RYR3: variants seen among roughly 807,000 people sequenced by gnomAD.
RYR3 encodes ryanodine receptor 3.
Under a neutral mutation model 584.3 loss-of-function variants are expected in RYR3, and 207 were observed. The observed-to-expected ratio is 0.35, with a 90% confidence interval of 0.32 to 0.40. The LOEUF (loss-of-function observed/expected upper bound fraction) is 0.40. RYR3 is among the 10% of genes least tolerant of loss of function. The pLI, the probability that RYR3 is intolerant of heterozygous loss-of-function variation, is 1.00. For missense variants in RYR3, 5,616 were observed against 6,089.2 expected (o/e 0.92, Z 2.59); for synonymous variants, 2,416 against 2,248.5 (o/e 1.07, Z -2.11).
intron 3 of RYR3, 103 bp from the exon 4 acceptor site, chr15:33,530,489 G>A: frequency 1.3e-6 from 1 of 779,088 alleles, no homozygotes; most frequent in South Asian, 1.5e-5. Context: ...GCTTTGCAAT[G>A]GGTCTTTTCC....
intron 74 of RYR3, among the ~76,000 whole-genome samples, chr15:33,814,688 C>T (rs2076715097): frequency 1.3e-5 from 2 of 152,022 alleles, no homozygotes; most frequent in African/African-American, 2.4e-5. Context: ...CACTTAAGGT[C>T]AGGAGATTGA....
At chr15:33,609,523 G>A (rs755630211) in intron 18 of RYR3, among the ~76,000 whole-genome samples, 5 of 152,204 alleles carry the variant, frequency 3.3e-5, no homozygotes, top group Admixed American at 6.5e-5. Flanking sequence ...GGGCAGTGGC[G>A]TGCGCCTGTA....
chr15:33,698,015 C>G lies in RYR3; in HGVS notation c.6249+19C>G. 1.3e-6 allele frequency: 2 copies of G among 1,548,708 alleles called. No homozygotes were observed. Among genetic ancestry groups the G allele is most frequent in the Non-Finnish European group, 1.8e-6 (2 of 1,120,506 alleles). On this transcript the variant is annotated intron_variant, in intron 40 of 103. Transcript: ENST00000634891. ...ATCTCAGGTAATGCTAAAAGGAGAACCTAGCCAGAACTTGTCCCTTGAGGC... is the reference window on the plus strand; with the variant it reads ...ATCTCAGGTAATGCTAAAAGGAGAAGCTAGCCAGAACTTGTCCCTTGAGGC...
chr15:33,445,664 A>AAC (rs61585713), intron 1 of RYR3, among the ~76,000 whole-genome samples: 12,831 of 105,874 alleles, frequency 0.12, 1,025 homozygotes, highest in Middle Eastern at 0.15. Flanking sequence ...TTCCCCCACC[A>AAC]ACACACACAC....
intron 17 of RYR3, among the ~76,000 whole-genome samples, chr15:33,602,813 A>G (rs2059736526): frequency 7.7e-6 from 1 of 130,040 alleles, no homozygotes; most frequent in Non-Finnish European, 1.5e-5. Context: ...TGGCATAATC[A>G]TGGCTCACTG....
At chr15:33,628,902 A>G (rs1169127281) in intron 21 of RYR3, among the ~76,000 whole-genome samples, 2 of 152,344 alleles carry the variant, frequency 1.3e-5, no homozygotes, top group Non-Finnish European at 1.5e-5. Context: ...TGGTTTTCAG[A>G]TGTGTCACTA....
chr15:33,738,334 C>T (rs556485638), intron 49 of RYR3, 116 bp from the exon 50 acceptor site: 47 of 1,045,768 alleles, frequency 4.5e-5, no homozygotes, highest in South Asian at 6.6e-5. Flanking sequence ...CCAGCTGTTT[C>T]GCATGTTTCA....
At chr15:33,815,762 G>A (rs562938414) in intron 74 of RYR3, 1 of 397,388 alleles carries the variant, frequency 2.5e-6, no homozygotes, top group South Asian at 1.3e-4. Context: ...AAGGGCTAAA[G>A]GGATTTGTTT....
At chr15:33,741,334 C>T (rs1050123313) in intron 51 of RYR3, among the ~76,000 whole-genome samples, 4 of 152,206 alleles carry the variant, frequency 2.6e-5, no homozygotes, top group Non-Finnish European at 5.9e-5. Context: ...AGGAAATCGA[C>T]AATCTTCAGG....
At chr15:33,834,829 G>T in intron 86 of RYR3, 139 bp from the exon 87 acceptor site, 1 of 575,962 alleles carries the variant, frequency 1.7e-6, no homozygotes, top group Non-Finnish European at 3.1e-6. Context: ...AATAATCCTG[G>T]GAAAATACTG....
intron 18 of RYR3, among the ~76,000 whole-genome samples, chr15:33,610,679 C>T (rs1019777098): frequency 4.6e-5 from 7 of 152,120 alleles, no homozygotes; most frequent in African/African-American, 1.7e-4. Flanking sequence ...ATTCGAAGTT[C>T]TTAGGACCAA....
chr15:33,740,064 T>C (rs1207853457), intron 51 of RYR3, 69 bp downstream of exon 51: 10 of 1,387,306 alleles, frequency 7.2e-6, no homozygotes, highest in Non-Finnish European at 9.1e-6. Context: ...TTCCAGAGGG[T>C]AGCAAGAAAT....
intron 12 of RYR3, among the ~76,000 whole-genome samples, chr15:33,573,488 G>A (rs938172552): frequency 3.0e-4 from 46 of 152,328 alleles, no homozygotes; most frequent in African/African-American, 1.1e-3. Context: ...CCTCTGTAGA[G>A]TTGCTGGGAA....
chr15:33,547,339 C>T (rs1345197148), intron 8 of RYR3, among the ~76,000 whole-genome samples: 1 of 152,130 alleles, frequency 6.6e-6, no homozygotes, highest in Admixed American at 6.5e-5. Context: ...GGATTATATC[C>T]TGGAACTGGA....
intron 1 of RYR3, among the ~76,000 whole-genome samples, chr15:33,383,185 A>G (rs2041326026): frequency 6.6e-6 from 1 of 151,050 alleles, no homozygotes; most frequent in African/African-American, 2.4e-5. Flanking sequence ...CAAGACCAAG[A>G]GAGGATGGAA....
At chr15:33,774,244 T>G (rs1167918868) in intron 64 of RYR3, among the ~76,000 whole-genome samples, 1 of 152,214 alleles carries the variant, frequency 6.6e-6, no homozygotes, top group Non-Finnish European at 1.5e-5. Flanking sequence ...GTTCTGTTGT[T>G]GTTCTGTTTA....
chr15:33,850,354 C>G (rs559482831), intron 94 of RYR3: 1 of 151,640 alleles, frequency 6.6e-6, no homozygotes, highest in Non-Finnish European at 1.5e-5. Flanking sequence ...TGCGCTCCAG[C>G]CTGGGCGACA....
At chr15:33,774,030 C>T (rs1420378762) in intron 64 of RYR3, among the ~76,000 whole-genome samples, 2 of 152,338 alleles carry the variant, frequency 1.3e-5, no homozygotes, top group East Asian at 1.9e-4. Context: ...TGTGCTACAA[C>T]CCTGGACTTT....
At chr15:33,562,746 T>C (rs2057476816) in intron 10 of RYR3, 91 bp from the exon 11 acceptor site, 1 of 904,300 alleles carries the variant, frequency 1.1e-6, no homozygotes, top group Non-Finnish European at 1.7e-6. Flanking sequence ...TTGCCTGGCT[T>C]ACAGGTTCTT....
Sources: allele counts gnomAD v4.1 joint callset (sites outside exome capture counted in the v4.1 genomes callset), GRCh38; gene constraint gnomAD v4.1.1; transcripts MANE v1.5; gene names NCBI Gene and HGNC (gene_info 2026-07-23, HGNC 2026-07-21).